RAP1GDS1: variants seen among roughly 807,000 people sequenced by gnomAD.
RAP1GDS1 encodes Rap1 GTPase-GDP dissociation stimulator 1, also known as RAP1, GTP-GDP dissociation stimulator 1.
Under a neutral mutation model 71.1 loss-of-function variants are expected in RAP1GDS1, and 35 were observed. The observed-to-expected ratio is 0.49, with a 90% confidence interval of 0.38 to 0.65. The LOEUF is 0.65. Among genes scored for constraint, RAP1GDS1 ranks in the 30% least tolerant of loss-of-function variants. The pLI is 0.00. For synonymous variants in RAP1GDS1, 229 were observed against 243.1 expected (o/e 0.94, Z 0.54); for missense variants, 663 against 706.1 (o/e 0.94, Z 0.69).
intron 1 of RAP1GDS1, among the ~76,000 whole-genome samples, chr4:98,273,797 G>C (rs1267148848): frequency 6.6e-6 from 1 of 152,002 alleles, no homozygotes; most frequent in African/African-American, 2.4e-5. Context: ...TTTTTCCCAA[G>C]ACTTTTCTTG....
chr4:98,319,906 C>G (rs1355707675), intron 2 of RAP1GDS1, among the ~76,000 whole-genome samples: 1 of 152,114 alleles, frequency 6.6e-6, no homozygotes. Flanking sequence ...TCCACCTCTT[C>G]CATCCCTGCT....
chr4:98,390,774 G>A (rs1184228410), intron 5 of RAP1GDS1, among the ~76,000 whole-genome samples: 1 of 152,164 alleles, frequency 6.6e-6, no homozygotes, highest in African/African-American at 2.4e-5. Context: ...GGCCAACCCT[G>A]CCAAGGGATT....
chr4:98,386,068 G>GACC lies in RAP1GDS1; in HGVS notation c.509-5882_509-5881insCAC, dbSNP rs537605462. ...AGTAGTCCTCTTTAAAAAAAAAAAA[G>GACC]ACATTTAACTTAAAAGACCAGTTTT... On this transcript the variant is annotated intron_variant, in intron 5 of 14. Transcript: ENST00000408927. Among the ~76,000 whole-genome samples, 751 of 150,430 alleles carry GACC rather than the reference G, an allele frequency of 5.0e-3. 7 individuals are homozygous for GACC. The highest frequency in any genetic ancestry group is 0.018 in the South Asian group (85 of 4,774).
intron 3 of RAP1GDS1, among the ~76,000 whole-genome samples, chr4:98,347,644 CA>C (rs1230860549): frequency 6.6e-6 from 1 of 152,188 alleles, no homozygotes; most frequent in African/African-American, 2.4e-5. Flanking sequence ...TGTCATTCTG[CA>C]TGTATCTTGG....
chr4:98,348,552 A>G (rs542080007), intron 3 of RAP1GDS1, among the ~76,000 whole-genome samples: 18 of 152,330 alleles, frequency 1.2e-4, no homozygotes, highest in African/African-American at 4.1e-4. Flanking sequence ...ACTGTCTTCC[A>G]CAATGGTTGA....
rs1013220935 is a variant in RAP1GDS1, at chr4:98,296,955, G to C, written c.112+3440G>C. On this transcript the variant is annotated intron_variant, in intron 2 of 14. Coordinates refer to ENST00000408927, the MANE Select transcript of RAP1GDS1 (RefSeq NM_001100427.2). ...TTTGTGTTGCCGGGGGGACCATAAA[G>C]TGTGCCATACAGCTTTAAACTCTCT... 9.0e-6 allele frequency: 3 copies of C among 331,742 alleles called. No homozygotes were observed. The African/African-American group carries it at 1.4e-4, about 15-fold the overall frequency. The allele number at this position is 331,742 out of a possible 1,614,324, so 20.5% of individuals were successfully genotyped here. A position where few individuals can be genotyped will look rare whatever the true frequency, so the allele number is the denominator to read the frequency against.
chr4:98,413,064 A>C (rs993716688), intron 7 of RAP1GDS1, among the ~76,000 whole-genome samples: 14 of 152,128 alleles, frequency 9.2e-5, no homozygotes, highest in Admixed American at 1.3e-4. Flanking sequence ...CAAACTTACC[A>C]GGGCGGGATC....
At position 98,350,730 on chromosome 4, in the gene RAP1GDS1, C is replaced by T. The variant is rs545528087; in HGVS notation, c.236-1746C>T. 5.0e-4 allele frequency among the ~76,000 whole-genome samples: 76 copies of T among 152,134 alleles called. 1 individual carries two copies. In the South Asian group the frequency reaches 0.015, roughly 31 times the overall value. ...GCACTTGCCTGTAGTCCCAGCTACT[C>T]GGGAGGCTGAGGCAGAAGAATCATT... On this transcript the variant is annotated intron_variant, in intron 3 of 14. Transcript: ENST00000408927.
chr4:98,266,789 A>G (rs969447118), intron 1 of RAP1GDS1, among the ~76,000 whole-genome samples: 2 of 152,202 alleles, frequency 1.3e-5, no homozygotes, highest in African/African-American at 4.8e-5. Flanking sequence ...GAAAAATTAT[A>G]ATAGCCTTAA....
Position 98,442,966 on chromosome 4 carries a change from T to C in RAP1GDS1, c.*849T>C, listed in dbSNP as rs1195475516. 4.4e-6 allele frequency: 1 copy of C among 229,350 alleles called. No homozygotes were observed. Among genetic ancestry groups the C allele is most frequent in the Non-Finnish European group, 8.6e-6 (1 of 116,240 alleles). 14.2% of individuals were successfully genotyped at this position (229,350 alleles called of 1,614,324 possible). On this transcript the variant is annotated 3_prime_UTR_variant, in exon 15 of 15. Transcript: ENST00000408927. ...CTTGTCTTTAAAATTCATTTGGCGC[T>C]TGTTTGTTTTCAACTGAGGAAATTG...
intron 12 of RAP1GDS1, among the ~76,000 whole-genome samples, chr4:98,423,162 T>C (rs1749122875): frequency 6.6e-6 from 1 of 152,222 alleles, no homozygotes; most frequent in Admixed American, 6.5e-5. Flanking sequence ...AAAGAAAGAC[T>C]AACACACTGT....
intron 2 of RAP1GDS1, among the ~76,000 whole-genome samples, chr4:98,314,854 G>A (rs755070228): frequency 2.0e-5 from 3 of 152,146 alleles, no homozygotes; most frequent in Admixed American, 6.6e-5. Context: ...GTCCTGATGG[G>A]TAAATAGACA....
chr4:98,340,316 A>G (rs1735312469), intron 2 of RAP1GDS1, among the ~76,000 whole-genome samples: 2 of 152,248 alleles, frequency 1.3e-5, no homozygotes, highest in African/African-American at 4.8e-5. Flanking sequence ...TATATACACC[A>G]TGGAATACTA....
chr4:98,323,800 A>C (rs1732419613), intron 2 of RAP1GDS1, among the ~76,000 whole-genome samples: 1 of 151,400 alleles, frequency 6.6e-6, no homozygotes, highest in South Asian at 2.1e-4. Flanking sequence ...TCTATGACAA[A>C]CCCACAGCCA....
intron 3 of RAP1GDS1, among the ~76,000 whole-genome samples, chr4:98,351,808 TA>T (rs933702411): frequency 1.3e-5 from 2 of 151,934 alleles, no homozygotes; most frequent in African/African-American, 4.8e-5. Flanking sequence ...GTTTGAAATT[TA>T]AGAAATCTTA....
chr4:98,403,671 A>G (rs1386874358), intron 6 of RAP1GDS1, among the ~76,000 whole-genome samples: 5 of 152,208 alleles, frequency 3.3e-5, no homozygotes, highest in Non-Finnish European at 5.9e-5. Flanking sequence ...ATGGAAGAGC[A>G]TTGGATAGCC....
rs537304821 is a variant in RAP1GDS1 at position 98,406,162 on chromosome 4, G to A, written c.763+1560G>A. Among the ~76,000 whole-genome samples, 278 of 152,002 alleles carry A rather than the reference G, an allele frequency of 1.8e-3. 1 individual carries two copies. In the Middle Eastern group the frequency reaches 0.02, roughly 11 times the overall value. Reference sequence around the variant, plus strand: ...AAAAAGAGGAAAGAAAAAGGAACACGAATCATAGAGGACAAATGAAGCATA... The same window carrying A: ...AAAAAGAGGAAAGAAAAAGGAACACAAATCATAGAGGACAAATGAAGCATA... On this transcript the variant is annotated intron_variant, in intron 7 of 14. Transcript: ENST00000408927.
At chr4:98,413,441 A>G (rs186921665) in intron 7 of RAP1GDS1, among the ~76,000 whole-genome samples, 3,490 of 151,886 alleles carry the variant, frequency 0.023, 131 homozygotes, top group African/African-American at 0.08. Flanking sequence ...TCATCGTTCA[A>G]TTCCCACCTA....
chr4:98,351,912 TAAG>T (rs1360808670), intron 3 of RAP1GDS1, among the ~76,000 whole-genome samples: 2 of 152,008 alleles, frequency 1.3e-5, no homozygotes, highest in Non-Finnish European at 2.9e-5. Context: ...GGAGTGAAGA[TAAG>T]AAGAGGATGA....
Sources: allele counts gnomAD v4.1 joint callset (sites outside exome capture counted in the v4.1 genomes callset), GRCh38; gene constraint gnomAD v4.1.1; transcripts MANE v1.5; gene names NCBI Gene and HGNC (gene_info 2026-07-23, HGNC 2026-07-21).